The following HK1 variants were observed in gnomAD, a reference collection of about 807,000 sequenced individuals.
HK1 encodes hexokinase 1, also known as hexokinase-1.
HK1 carries 28 observed loss-of-function variants against 91.6 expected under a neutral mutation model. The observed-to-expected ratio is 0.31, with a 90% CI of 0.23 to 0.42. The LOEUF is 0.42. Ranked by LOEUF, HK1 falls within the 10% of genes least tolerant of loss-of-function variation. HK1 has a pLI of 1.00. For missense variants in HK1, 770 were observed against 1,219.8 expected (o/e 0.63, Z 5.49); for synonymous variants, 430 against 468.1 (o/e 0.92, Z 1.05).
rs926237561 is a variant in HK1, at chr10:69,395,066, G to A, written c.2336G>A (p.Arg779Gln). 11 of 1,613,802 alleles carry A rather than the reference G, an allele frequency of 6.8e-6. No individual in the cohort carries two copies. The highest frequency in any genetic ancestry group is 9.3e-6 in the Non-Finnish European group (11 of 1,179,982). The stretch of plus-strand genomic sequence containing the variant: ...CAGATCTCTGAGACGCTGAAGACCC[G>A]GGGCATCTTTGAGACCAAGTTTCTC... Reference protein sequence around the residue: ...RGQISETLKTRGIFETKFLSQ... With the variant: ...RGQISETLKTQGIFETKFLSQ... The change falls in exon 16 of 18, where the codon CGG (arginine) becomes CAG (glutamine). Residue 779 changes from arginine to glutamine, a missense_variant. By Grantham distance (43) the Arg-to-Gln change is conservative (BLOSUM62 1). Transcript: ENST00000359426.
At position 69,301,573 on chromosome 10, in the gene HK1, C is replaced by CAA. The variant is rs3086649; in HGVS notation, c.27+733_27+734dup. 7.8e-3 allele frequency among the ~76,000 whole-genome samples: 626 copies of CAA among 80,516 alleles called. 8 individuals carry two copies. Among genetic ancestry groups the CAA allele is most frequent in the African/African-American group, 0.021 (416 of 19,472 alleles). The allele number at this position is 80,516 out of a possible 152,430, so 52.8% of individuals were successfully genotyped here. A position where few individuals can be genotyped will look rare whatever the true frequency, so the allele number is the denominator to read the frequency against. Reference sequence around the variant, plus strand: ...TGGGTAACAGAGTGAGACTCTGTCTCAAAAAAAAAAAAAAAAAAAAAAGAA... The same window carrying CAA: ...TGGGTAACAGAGTGAGACTCTGTCTCAAAAAAAAAAAAAAAAAAAAAAAAGAA... On this transcript the variant is annotated intron_variant, in intron 5 of 21. Transcript: ENST00000360289.
At chr10:69,389,854 G>A (rs1354385108) in intron 14 of HK1, among the ~76,000 whole-genome samples, 1 of 152,222 alleles carries the variant, frequency 6.6e-6, no homozygotes, top group Non-Finnish European at 1.5e-5. Context: ...TCTGCAGCTC[G>A]TTGCCTTGTA....
chr10:69,327,855 A>C (rs181538614), intron 1 of HK1, among the ~76,000 whole-genome samples: 2 of 152,340 alleles, frequency 1.3e-5, no homozygotes, highest in East Asian at 3.9e-4. Flanking sequence ...TTACCTTATC[A>C]GAGTCCTTGC....
intron 5 of HK1, among the ~76,000 whole-genome samples, chr10:69,306,229 G>C (rs77329880): frequency 6.6e-6 from 1 of 151,800 alleles, no homozygotes; most frequent in Non-Finnish European, 1.5e-5. Flanking sequence ...ATTGTGGCGG[G>C]CACCTGTAGT....
chr10:69,304,597 T>G (rs1846024709), intron 5 of HK1, among the ~76,000 whole-genome samples: 1 of 152,228 alleles, frequency 6.6e-6, no homozygotes, highest in East Asian at 1.9e-4. Context: ...CGTGAGCCAC[T>G]GCGCTCAGCC....
chr10:69,289,318 A>G (rs149170010), intron 3 of HK1, among the ~76,000 whole-genome samples: 220 of 152,150 alleles, frequency 1.4e-3, no homozygotes, highest in African/African-American at 5.2e-3. Context: ...CCCCTGGTTA[A>G]TTGCTTTTTA....
At chr10:69,373,446 A>C (rs759988534) in intron 7 of HK1, among the ~76,000 whole-genome samples, 1 of 152,174 alleles carries the variant, frequency 6.6e-6, no homozygotes, top group Non-Finnish European at 1.5e-5. Flanking sequence ...GTCTGTTTCT[A>C]AAAGGGATCA....
chr10:69,352,733 T>C (rs1848940772), intron 2 of HK1, among the ~76,000 whole-genome samples: 1 of 152,070 alleles, frequency 6.6e-6, no homozygotes, highest in Non-Finnish European at 1.5e-5. Flanking sequence ...GAGGAAATGG[T>C]GAATGGTTGT....
At chr10:69,289,461 A>ATTTT (rs67564699) in intron 3 of HK1, among the ~76,000 whole-genome samples, 52 of 112,806 alleles carry the variant, frequency 4.6e-4, no homozygotes, top group African/African-American at 1.1e-3. Flanking sequence ...AAAAAAAAAA[A>ATTTT]TTTTTTTTTT....
At chr10:69,348,172 C>T (rs1444984321) in intron 2 of HK1, among the ~76,000 whole-genome samples, 5 of 151,764 alleles carry the variant, frequency 3.3e-5, no homozygotes, top group Non-Finnish European at 1.5e-5. Flanking sequence ...AGCCTTTACC[C>T]AAAAGAGAAG....
In HK1 at chr10:69,305,501, G is replaced by A. The variant is rs958871421; in HGVS notation, c.27+4640G>A. ...CATTTGTTTACCATCTGTCTCTCCC[G>A]ATCAGAATGTGGGCTGTGTAAAACC... On this transcript the variant is annotated intron_variant, in intron 5 of 21. Coordinates refer to the HK1 transcript ENST00000360289. 3.9e-5 allele frequency among the ~76,000 whole-genome samples: 6 copies of A among 152,018 alleles called. No individual in the cohort carries two copies. The East Asian group carries it at 5.8e-4, about 15-fold the overall frequency.
chr10:69,394,104 G>C (rs796107183), intron 15 of HK1, among the ~76,000 whole-genome samples: 3 of 152,340 alleles, frequency 2.0e-5, no homozygotes, highest in African/African-American at 7.2e-5. Context: ...TGAAATAGGA[G>C]GAATCCTGGA....
intron 13 of HK1, 83 bp downstream of exon 13, chr10:69,386,501 A>AGGC: frequency 1.7e-6 from 2 of 1,153,704 alleles, no homozygotes; most frequent in Non-Finnish European, 2.5e-6. Context: ...TAAAGAATTC[A>AGGC]GGCCAGGCGT....
chr10:69,344,139 C>T (rs1017175818), intron 2 of HK1, 150 bp downstream of exon 2: 7 of 808,920 alleles, frequency 8.7e-6, no homozygotes, highest in Non-Finnish European at 1.2e-5. Context: ...ATCCGCTGAT[C>T]CATCTGCTGA....
At chr10:69,325,449 C>T (rs1847290664) in intron 1 of HK1, among the ~76,000 whole-genome samples, 1 of 151,606 alleles carries the variant, frequency 6.6e-6, no homozygotes, top group African/African-American at 2.4e-5. Context: ...CCTCTGTCTC[C>T]TGGGTTCAAG....
intron 1 of HK1, among the ~76,000 whole-genome samples, chr10:69,276,295 G>A (rs540932281): frequency 1.2e-3 from 184 of 151,642 alleles, no homozygotes; most frequent in African/African-American, 4.1e-3. Context: ...TTCTTGTAAT[G>A]TGGATTTGTC....
At chr10:69,317,579 G>A (rs1158210274), upstream of HK1, among the ~76,000 whole-genome samples, 1 of 152,158 alleles carries the variant, frequency 6.6e-6, no homozygotes, top group Non-Finnish European at 1.5e-5. Context: ...GGCACCATAT[G>A]GTGCAGACTT....
chr10:69,293,855 CTTTTT>C (rs34434447), intron 3 of HK1, among the ~76,000 whole-genome samples: 1,347 of 99,020 alleles, frequency 0.014, 40 homozygotes, highest in African/African-American at 0.052. Context: ...ATATTTCTTT[CTTTTT>C]TTTTTTTTTT....
At chr10:69,340,473 C>A (rs1848233109) in intron 1 of HK1, among the ~76,000 whole-genome samples, 1 of 152,244 alleles carries the variant, frequency 6.6e-6, no homozygotes. Context: ...TGGTCTTGAA[C>A]TCCTGACCTC....
Sources: allele counts gnomAD v4.1 joint callset (sites outside exome capture counted in the v4.1 genomes callset), GRCh38; gene constraint gnomAD v4.1.1; transcripts MANE v1.5; gene names NCBI Gene and HGNC (gene_info 2026-07-23, HGNC 2026-07-21).